Variants in QSER1 observed in about 807,000 individuals in gnomAD.
QSER1 encodes the protein glutamine and serine-rich protein 1.
A neutral mutation model predicts 158.5 loss-of-function variants in QSER1; 49 were observed. The observed-to-expected ratio is 0.31, with a 90% CI of 0.25 to 0.39. The LOEUF is 0.39. QSER1 is among the 10% of genes least tolerant of loss of function. The probability of loss-of-function intolerance (pLI) is 1.00; values close to 1 mark genes in which losing one functional copy is unlikely to be tolerated. For synonymous variants in QSER1, 650 were observed against 715.5 expected (o/e 0.91, Z 1.46); for missense variants, 1,754 against 2,010.3 (o/e 0.87, Z 2.44).
chr11:32,912,523 A>G (rs983737235), intron 1 of QSER1, among the ~76,000 whole-genome samples: 1 of 152,118 alleles, frequency 6.6e-6, no homozygotes, highest in South Asian at 2.1e-4. Context: ...ACATGTCAGA[A>G]CTACTAATCA....
At position 32,892,843 on chromosome 11, in the gene QSER1, G is replaced by GGCCGCCGCC. The variant is rs562526200; in HGVS notation, c.-272_-264dup. On this transcript the variant is annotated 5_prime_UTR_variant, in exon 1 of 13. Transcript: ENST00000650167. ...GAAATCCACCAACATGGGGCGCAGC[G>GGCCGCCGCC]GCCGCCGCCGCCGCCGCCGTCGCCG... 0.037 allele frequency among the ~76,000 whole-genome samples: 5,379 copies of GGCCGCCGCC among 144,834 alleles called. 285 individuals carry two copies. The highest frequency in any genetic ancestry group is 0.11 in the African/African-American group (4,560 of 39,682).
chr11:32,929,530 T>C (rs1316424719), intron 3 of QSER1, among the ~76,000 whole-genome samples: 1 of 152,194 alleles, frequency 6.6e-6, no homozygotes, highest in Non-Finnish European at 1.5e-5. Flanking sequence ...GATTTTACTA[T>C]CATACGGCCA....
At chr11:32,911,752 C>T (rs1012871652) in intron 1 of QSER1, among the ~76,000 whole-genome samples, 2 of 152,214 alleles carry the variant, frequency 1.3e-5, no homozygotes, top group Admixed American at 1.3e-4. Flanking sequence ...TTTCCTGAGG[C>T]CTCTCCAGCC....
At chr11:32,957,115 C>CTTTTTTTTCTTTTTTTTTCTTTTTTTT (rs1852528439) in intron 7 of QSER1, among the ~76,000 whole-genome samples, 1 of 139,580 alleles carries the variant, frequency 7.2e-6, no homozygotes, top group Admixed American at 7.1e-5. Flanking sequence ...TTGGGTTTTT[C>CTTTTTTTTCTTTTTTTTTCTTTTTTTT]TTTTTTTTCT....
intron 12 of QSER1, 97 bp downstream of exon 12, chr11:32,975,440 T>TA (rs1852958521): frequency 1.3e-6 from 2 of 1,553,926 alleles, no homozygotes; most frequent in Non-Finnish European, 1.7e-6. Flanking sequence ...AGTTGTGAAA[T>TA]ACATGTGTGT....
At chr11:32,910,912 G>A (rs1366390251) in intron 1 of QSER1, among the ~76,000 whole-genome samples, 1 of 152,000 alleles carries the variant, frequency 6.6e-6, no homozygotes, top group Admixed American at 6.6e-5. Context: ...TAGCCTTCTG[G>A]TCCACAGAAC....
Position 32,937,438 on chromosome 11 carries a change from C to T in QSER1, c.4177+2003C>T, listed in dbSNP as rs1852169093. On this transcript the variant is annotated intron_variant, in intron 4 of 12. Coordinates refer to ENST00000650167, the MANE Select transcript of QSER1 (RefSeq NM_001076786.3). ...CAACTGGGACTATAGGCACATGCCA[C>T]CATGCCTGGCTAATTTTTTTTTAAT... Among the ~76,000 whole-genome samples, 2 of 152,214 alleles carry T rather than the reference C, an allele frequency of 1.3e-5. 1 individual carries two copies. Among genetic ancestry groups the T allele is most frequent in the South Asian group, 4.2e-4 (2 of 4,818 alleles).
chr11:32,905,417 CT>C (rs1367644821), intron 1 of QSER1, among the ~76,000 whole-genome samples: 1 of 152,238 alleles, frequency 6.6e-6, no homozygotes, highest in East Asian at 1.9e-4. Context: ...CTCACTAAAA[CT>C]TTAGACATTA....
chr11:32,914,334 C>T (rs78166060), intron 1 of QSER1, among the ~76,000 whole-genome samples: 1 of 152,130 alleles, frequency 6.6e-6, no homozygotes, highest in Non-Finnish European at 1.5e-5. Flanking sequence ...ATTTGGGGCT[C>T]CTAACTTCCA....
At chr11:32,928,403 C>T (rs1359147099) in intron 3 of QSER1, among the ~76,000 whole-genome samples, 3 of 152,066 alleles carry the variant, frequency 2.0e-5, no homozygotes, top group Non-Finnish European at 4.4e-5. Flanking sequence ...CTAGCAATTA[C>T]TTGTCTACTT....
chr11:32,900,102 A>G (rs1237562869), intron 1 of QSER1, among the ~76,000 whole-genome samples: 2 of 152,184 alleles, frequency 1.3e-5, no homozygotes, highest in Non-Finnish European at 2.9e-5. Flanking sequence ...CTCCATATCC[A>G]TAATTTCCTG....
chr11:32,926,303 C>G (rs1318652864), intron 1 of QSER1, among the ~76,000 whole-genome samples: 1 of 151,994 alleles, frequency 6.6e-6, no homozygotes, highest in African/African-American at 2.4e-5. Flanking sequence ...GGAATATGAC[C>G]TATATATTAC....
At position 32,933,057 on chromosome 11, in the gene QSER1, C is replaced by G. The variant is rs1415001377; in HGVS notation, c.1799C>G (p.Pro600Arg). The change falls in exon 4 of 13, where the codon CCT becomes CGT. Residue 600 changes from proline to arginine, a missense_variant. By Grantham distance (103) the Pro-to-Arg change is moderately radical. Coordinates refer to ENST00000650167, the MANE Select transcript of QSER1 (RefSeq NM_001076786.3). ...GGGGAGTCCCTAACATTAACAGCCCCTTCTCTTTCTTATTCTTCTGCCTCT... is the reference window on the plus strand; with the variant it reads ...GGGGAGTCCCTAACATTAACAGCCCGTTCTCTTTCTTATTCTTCTGCCTCT... ...ASGESLTLTA[P>R]SLSYSSASRA... is the part of the protein sequence containing the mutation. The G allele has an allele frequency of 6.2e-7, 1 of 1,613,388 alleles. No homozygotes were observed. The highest frequency in any genetic ancestry group is 1.1e-5 in the South Asian group (1 of 91,084).
intron 1 of QSER1, among the ~76,000 whole-genome samples, chr11:32,894,922 G>A (rs978497105): frequency 6.6e-6 from 1 of 152,136 alleles, no homozygotes; most frequent in African/African-American, 2.4e-5. Context: ...TTTTTGCATT[G>A]ACTAGGATAA....
intron 8 of QSER1, among the ~76,000 whole-genome samples, chr11:32,964,124 C>T (rs1852680167): frequency 6.6e-6 from 1 of 152,154 alleles, no homozygotes; most frequent in Non-Finnish European, 1.5e-5. Context: ...AGGCGCATGC[C>T]ACCACACCTA....
chr11:32,907,080 A>G (rs561132831), intron 1 of QSER1, among the ~76,000 whole-genome samples: 1 of 152,330 alleles, frequency 6.6e-6, no homozygotes, highest in Non-Finnish European at 1.5e-5. Context: ...GTACCGTTAC[A>G]ACAGGATAAA....
intron 12 of QSER1, chr11:32,975,661 G>T: frequency 8.5e-7 from 1 of 1,171,682 alleles, no homozygotes; most frequent in Non-Finnish European, 1.1e-6. Flanking sequence ...TGATGATCTT[G>T]CTTTAATTCA....
rs941205699 is a variant in QSER1 at position 32,975,638 on chromosome 11, C to G, written c.5454+295C>G. The G allele has an allele frequency of 6.5e-6, 8 of 1,222,040 alleles. No homozygotes were observed. The South Asian group carries it at 1.2e-4, about 19-fold the overall frequency. The allele number at this position is 1,222,040 out of a possible 1,614,324, so 75.7% of individuals were successfully genotyped here. On this transcript the variant is annotated intron_variant, in intron 12 of 12. Coordinates refer to ENST00000650167, the MANE Select transcript of QSER1 (RefSeq NM_001076786.3). ...AAATGATGTTTTATTGCATTTTGTT[C>G]TCTCACAGTGTATGATGATCTTGCT...
At chr11:32,899,234 T>C (rs970430595) in intron 1 of QSER1, among the ~76,000 whole-genome samples, 2 of 152,218 alleles carry the variant, frequency 1.3e-5, no homozygotes, top group Non-Finnish European at 2.9e-5. Flanking sequence ...TAATACATAC[T>C]TATATCATGA....
Sources: gnomAD v4.1 joint callset for allele counts (sites outside exome capture counted in the v4.1 genomes callset) on GRCh38, gnomAD v4.1.1 for gene constraint, MANE v1.5 for transcripts, NCBI Gene and HGNC (gene_info 2026-07-23, HGNC 2026-07-21) for gene names.